Variants in CENPF observed in about 807,000 individuals in gnomAD.
CENPF encodes the protein AH antigen.
A neutral mutation model predicts 307.3 loss-of-function variants in CENPF; 214 were observed. The observed-to-expected ratio is 0.70, with a 90% CI of 0.62 to 0.78. The LOEUF (loss-of-function observed/expected upper bound fraction) is 0.78. CENPF is among the 30% of genes least tolerant of loss of function. CENPF has a pLI of 0.00. For missense variants in CENPF, 3,401 were observed against 3,483.9 expected, an observed-to-expected ratio of 0.98 and a Z score of 0.60; for synonymous variants, 1,259 against 1,270.6, an observed-to-expected ratio of 0.99 and a Z score of 0.19.
chr1:214,629,265 T>C, intron 8 of CENPF, 94 bp downstream of exon 8: 1 of 1,257,812 alleles, frequency 8.0e-7, no homozygotes, highest in Non-Finnish European at 1.1e-6. Context: ...GTTATCACAA[T>C]TTGGGAAATT....
intron 9 of CENPF, 107 bp downstream of exon 9, chr1:214,630,769 C>T (rs1657786699): frequency 1.2e-5 from 17 of 1,373,262 alleles, no homozygotes; most frequent in South Asian, 1.2e-4. Context: ...AAAAAGCGCT[C>T]CACCTTCACT....
chr1:214,658,778 C>A, intron 18 of CENPF, 72 bp from the exon 19 acceptor site: 1 of 1,465,516 alleles, frequency 6.8e-7, no homozygotes, highest in Non-Finnish European at 9.4e-7. Context: ...TTAAAACCAC[C>A]TAATGAATAT....
At chr1:214,661,556 A>G (rs1046760874) in intron 19 of CENPF, among the ~76,000 whole-genome samples, 4 of 152,194 alleles carry the variant, frequency 2.6e-5, no homozygotes, top group African/African-American at 4.8e-5. Context: ...CAAAGGGGAA[A>G]AAACTGGCAA....
At chr1:214,625,167 C>T (rs577152014) in intron 7 of CENPF, among the ~76,000 whole-genome samples, 3 of 152,102 alleles carry the variant, frequency 2.0e-5, no homozygotes, top group Non-Finnish European at 4.4e-5. Flanking sequence ...AGGCGACTTT[C>T]GTGTAGACAA....
chr1:214,608,907 G>C (rs958171339), intron 1 of CENPF: 24 of 1,373,440 alleles, frequency 1.7e-5, no homozygotes, highest in Admixed American at 3.6e-5. Context: ...GCCTGGCCCG[G>C]CAGGGGAGGG....
chr1:214,614,095 C>A (rs1192774855), intron 2 of CENPF, among the ~76,000 whole-genome samples, 179 bp downstream of exon 2: 4 of 132,082 alleles, frequency 3.0e-5, no homozygotes, highest in Admixed American at 3.0e-4. Context: ...CCACCCCAGG[C>A]CCCAATCCCC....
intron 3 of CENPF, 98 bp downstream of exon 3, chr1:214,615,126 A>G (rs769698073): frequency 1.4e-5 from 11 of 789,788 alleles, no homozygotes; most frequent in African/African-American, 1.8e-5. Flanking sequence ...ATACTTTGCA[A>G]TTTTTTTTCC....
intron 14 of CENPF, among the ~76,000 whole-genome samples, chr1:214,650,405 A>T (rs1658430491): frequency 6.6e-6 from 1 of 152,162 alleles, no homozygotes; most frequent in Admixed American, 6.5e-5. Flanking sequence ...CTAGTTCAAC[A>T]TATAGGGAGT....
rs762647448 is a variant in CENPF at position 214,646,037 on chromosome 1, T to C, written c.6467T>C (p.Val2156Ala). 13 of 1,613,814 alleles carry C rather than the reference T, an allele frequency of 8.1e-6. No homozygotes were observed. The highest frequency in any genetic ancestry group is 2.2e-5 in the East Asian group (1 of 44,862). The change falls in exon 13 of 20, where the codon GTT (valine) becomes GCT (alanine). Residue 2156 changes from valine to alanine, a missense_variant. Val to Ala is a moderately conservative substitution (Grantham distance 64, BLOSUM62 0). Transcript: ENST00000366955. ...ERENDSLKDK[V>A]ENLERELQMS... is the part of the protein sequence containing the mutation. ...GAGAATGATTCACTTAAGGATAAAG[T>C]TGAGAACCTTGAAAGGGAATTGCAG...
chr1:214,648,976 TATAGTAATCTCTACC>T (rs1658387703), intron 14 of CENPF, 149 bp downstream of exon 14: 5 of 777,898 alleles, frequency 6.4e-6, no homozygotes, highest in South Asian at 1.9e-5. Context: ...TAATCTGATT[TATAGTAATCTCTACC>T]ATCCAGCACT....
At chr1:214,631,154 A>T (rs758046673) in intron 9 of CENPF, among the ~76,000 whole-genome samples, 2 of 152,206 alleles carry the variant, frequency 1.3e-5, no homozygotes, top group Non-Finnish European at 2.9e-5. Context: ...TCATAGTAAC[A>T]TGCTAAGAAT....
Position 214,643,273 on chromosome 1 carries a change from A to C in CENPF, c.4935A>C (p.Leu1645=). Residue 1645 remains leucine (L), a synonymous_variant, in exon 12 of 20, where the codon CTA becomes CTC. Coordinates refer to ENST00000366955, the MANE Select transcript of CENPF (RefSeq NM_016343.4). ...AGCTGGAAGTAGCACGACTCCAGCTACAAGGTCTGGACTTAAGTTCTCGGT... is the reference window on the plus strand; with the variant it reads ...AGCTGGAAGTAGCACGACTCCAGCTCCAAGGTCTGGACTTAAGTTCTCGGT... The part of the protein sequence containing the change: ...SLELEVARLQ[L]QGLDLSSRSL... 6.4e-7 allele frequency: 1 copy of C among 1,559,226 alleles called. No homozygotes were observed. The highest frequency in any genetic ancestry group is 1.2e-5 in the South Asian group (1 of 80,076).
intron 12 of CENPF, among the ~76,000 whole-genome samples, chr1:214,643,598 T>C (rs1658198278): frequency 6.6e-6 from 1 of 152,206 alleles, no homozygotes; most frequent in Non-Finnish European, 1.5e-5. Flanking sequence ...AAAATTATAT[T>C]ATGGAGTCAG....
intron 6 of CENPF, 98 bp downstream of exon 6, chr1:214,621,044 T>C (rs1450844318): frequency 8.7e-7 from 1 of 1,145,824 alleles, no homozygotes; most frequent in Non-Finnish European, 1.2e-6. Flanking sequence ...TTATGTGTTT[T>C]GTTAGGCACA....
At chr1:214,620,472 G>C (rs981363044) in intron 5 of CENPF, among the ~76,000 whole-genome samples, 183 bp from the exon 6 acceptor site, 1 of 152,182 alleles carries the variant, frequency 6.6e-6, no homozygotes, top group Non-Finnish European at 1.5e-5. Context: ...AAGAAGTCGA[G>C]CATTAGAACA....
intron 6 of CENPF, among the ~76,000 whole-genome samples, chr1:214,621,206 T>C (rs983508091): frequency 1.3e-5 from 2 of 152,208 alleles, no homozygotes; most frequent in Non-Finnish European, 2.9e-5. Flanking sequence ...TGATTTATCT[T>C]TCCAGATGCA....
At position 214,652,282 on chromosome 1, in the gene CENPF, A is replaced by G. The variant is rs554579990; in HGVS notation, c.8160+396A>G. Among the ~76,000 whole-genome samples the G allele has an allele frequency of 7.8e-4, 118 of 151,550 alleles. 1 individual carries two copies. The highest frequency in any genetic ancestry group is 8.5e-4 in the Admixed American group (13 of 15,246). Reference sequence around the variant, plus strand: ...GATCTCCTGATCTTGTGATCTGCCCACCTTGGCCTCCCAAAGTGCTGGGAT... The same window carrying G: ...GATCTCCTGATCTTGTGATCTGCCCGCCTTGGCCTCCCAAAGTGCTGGGAT... On this transcript the variant is annotated intron_variant, in intron 15 of 19. Coordinates refer to ENST00000366955, the MANE Select transcript of CENPF (RefSeq NM_016343.4).
chr1:214,643,303 G>C lies in CENPF; in HGVS notation c.4965G>C (p.Leu1655Phe), dbSNP rs781210892. The change falls in exon 12 of 20, where the codon TTG becomes TTC. Residue 1655 changes from leucine to phenylalanine, a missense_variant. Physicochemically the swap from Leu to Phe is conservative, Grantham distance 22. Transcript: ENST00000366955. ...GTCTGGACTTAAGTTCTCGGTCTTT[G>C]CTTGGCATCGACACAGAAGATGTAA... Reference protein sequence around the residue: ...LQGLDLSSRSLLGIDTEDAIQ... With the variant: ...LQGLDLSSRSFLGIDTEDAIQ... 2.7e-6 allele frequency: 4 copies of C among 1,506,994 alleles called. No individual in the cohort carries two copies. The Admixed American group carries it at 7.2e-5, about 27-fold the overall frequency. The allele number at this position is 1,506,994 out of a possible 1,614,324, so 93.4% of individuals were successfully genotyped here. A position where few individuals can be genotyped will look rare whatever the true frequency, so the allele number is the denominator to read the frequency against.
chr1:214,617,261 T>C (rs1657385527), intron 3 of CENPF, among the ~76,000 whole-genome samples: 2 of 152,020 alleles, frequency 1.3e-5, no homozygotes, highest in Admixed American at 6.6e-5. Context: ...TTGGCCAGGC[T>C]GATCTCGAAC....
Sources: gnomAD v4.1 joint callset for allele counts (sites outside exome capture counted in the v4.1 genomes callset) on GRCh38, gnomAD v4.1.1 for gene constraint, MANE v1.5 for transcripts, NCBI Gene and HGNC (gene_info 2026-07-23, HGNC 2026-07-21) for gene names.